Variants in TRMT10A observed in about 807,000 individuals in gnomAD.
TRMT10A encodes tRNA methyltransferase 10A.
In TRMT10A, 37 loss-of-function variants were observed where a neutral mutation model predicts 40.4. The ratio of observed to expected loss-of-function variants is 0.92; its 90% CI spans 0.71 to 1.21. TRMT10A has a LOEUF of 1.21. Among genes scored for constraint, TRMT10A ranks in the 50% most tolerant of loss-of-function variants. The probability of loss-of-function intolerance (pLI) is 0.00; values close to 1 mark genes in which losing one functional copy is unlikely to be tolerated. For missense variants in TRMT10A, 388 were observed against 404.3 expected, an observed-to-expected ratio of 0.96 and a Z score of 0.35; for synonymous variants, 103 against 134.1, an observed-to-expected ratio of 0.77 and a Z score of 1.60.
chr4:99,563,123 G>T (rs1724515986), intron 1 of TRMT10A, among the ~76,000 whole-genome samples: 1 of 152,194 alleles, frequency 6.6e-6, no homozygotes, highest in African/African-American at 2.4e-5. Flanking sequence ...GCCCGGCCAG[G>T]AATGCCCTTT....
intron 6 of TRMT10A, among the ~76,000 whole-genome samples, chr4:99,552,674 A>G (rs1474177086): frequency 2.6e-5 from 4 of 152,194 alleles, no homozygotes; most frequent in Non-Finnish European, 5.9e-5. Flanking sequence ...ACAAATGACA[A>G]AGACAAATTA....
intron 5 of TRMT10A, among the ~76,000 whole-genome samples, 170 bp downstream of exon 5, chr4:99,555,976 C>G (rs1724147069): frequency 6.6e-6 from 1 of 152,180 alleles, no homozygotes; most frequent in African/African-American, 2.4e-5. Context: ...TACCAGATGT[C>G]TCACTCCCTT....
chr4:99,557,809 G>A (rs144541952), intron 3 of TRMT10A: 296 of 456,720 alleles, frequency 6.5e-4, no homozygotes, highest in African/African-American at 5.7e-3. Flanking sequence ...ACTACAAAGT[G>A]TGTGTTTGTC....
At position 99,564,003 on chromosome 4, in the gene TRMT10A, C is replaced by G; in HGVS notation, c.-114G>C. The G allele has an allele frequency of 6.8e-7, 1 of 1,467,490 alleles. No homozygotes were observed. Among genetic ancestry groups the G allele is most frequent in the South Asian group, 1.2e-5 (1 of 82,280 alleles). 90.9% of individuals were successfully genotyped at this position (1,467,490 alleles called of 1,614,324 possible). A position where few individuals can be genotyped will look rare whatever the true frequency, so the allele number is the denominator to read the frequency against. On this transcript the variant is annotated 5_prime_UTR_variant, in exon 1 of 8. Coordinates refer to ENST00000394876, the MANE Select transcript of TRMT10A (RefSeq NM_001134665.3). The stretch of plus-strand genomic sequence containing the variant: ...CGGCTCACGCTTCCTTCCACAGAAA[C>G]TTCAATTCCCAGAGGCAGGGGCGGT...
At position 99,548,589 on chromosome 4, in the gene TRMT10A, TTACTACATTCTTTCAAGTAAC is replaced by T. The variant is rs1723829407; in HGVS notation, c.*478_*498del. ...ATCAAACTGATACTTCTTCCTAAAA[TTACTACATTCTTTCAAGTAAC>T]TAATTTAAACATAAAAGCTGCAAAT... is the stretch of plus-strand genomic sequence containing the variant. On this transcript the variant is annotated 3_prime_UTR_variant, in exon 8 of 8. Transcript: ENST00000394876. The T allele has an allele frequency of 6.6e-6, 1 of 152,390 alleles. No homozygotes were observed. Among genetic ancestry groups the T allele is most frequent in the Non-Finnish European group, 1.5e-5 (1 of 68,198 alleles). 9.4% of individuals were successfully genotyped at this position (152,390 alleles called of 1,614,324 possible).
Position 99,559,167 on chromosome 4 carries a change from G to T in TRMT10A, c.172C>A (p.Arg58=), listed in dbSNP as rs767807581. The part of the protein sequence containing the change: ...LIKQKQWEEQ[R]ELRKQKRKEK... ...TGAAACACATACTTGCGGAGTTCCC[G>T]TTGCTCTTCCCATTGTTTCTGTTTT... The change falls in exon 2 of 8, where the codon CGG becomes AGG. Residue 58 remains arginine (R), a synonymous_variant. Coordinates refer to ENST00000394876, the MANE Select transcript of TRMT10A (RefSeq NM_001134665.3). 28 of 1,611,844 alleles carry T rather than the reference G, an allele frequency of 1.7e-5. No homozygotes were observed. The Admixed American group carries it at 4.7e-4, about 27-fold the overall frequency.
At position 99,549,381 on chromosome 4, in the gene TRMT10A, A is replaced by G. The variant is rs190037032; in HGVS notation, c.752-25T>C. 1.7e-5 allele frequency: 27 copies of G among 1,608,472 alleles called. No individual in the cohort carries two copies. The Admixed American group carries it at 4.5e-4, about 27-fold the overall frequency. On this transcript the variant is annotated intron_variant, in intron 7 of 7. Transcript: ENST00000394876. The stretch of plus-strand genomic sequence containing the variant: ...ACTGCAATAAAGACATATTCCGTAC[A>G]TTTCTTAGCCAAGTTCATCACAATG...
At chr4:99,553,428 G>A (rs1724038792) in intron 6 of TRMT10A, among the ~76,000 whole-genome samples, 1 of 152,174 alleles carries the variant, frequency 6.6e-6, no homozygotes. Flanking sequence ...TTGATTAGCA[G>A]CAGAATCTTC....
At chr4:99,563,529 G>A (rs1040501186) in intron 1 of TRMT10A, 1 of 232,482 alleles carries the variant, frequency 4.3e-6, no homozygotes, top group Non-Finnish European at 8.8e-6. Context: ...TTAGAGTACA[G>A]ATTTCCCACT....
chr4:99,560,586 TA>T (rs1002099815), intron 1 of TRMT10A, among the ~76,000 whole-genome samples: 1 of 151,744 alleles, frequency 6.6e-6, no homozygotes, highest in African/African-American at 2.4e-5. Flanking sequence ...TTAATTTTTT[TA>T]AAAAAAATCT....
intron 1 of TRMT10A, chr4:99,563,709 G>C (rs887781188): frequency 5.3e-6 from 2 of 375,140 alleles, no homozygotes; most frequent in Non-Finnish European, 1.0e-5. Context: ...GGCGAACCAG[G>C]GAGCAGCTGG....
intron 1 of TRMT10A, among the ~76,000 whole-genome samples, chr4:99,560,324 C>T (rs1283094159): frequency 2.0e-5 from 3 of 151,940 alleles, no homozygotes; most frequent in African/African-American, 7.2e-5. Context: ...TGAAAAAGAA[C>T]AGAATCAGTG....
chr4:99,551,221 A>C (rs1723951929), intron 6 of TRMT10A, among the ~76,000 whole-genome samples: 1 of 152,220 alleles, frequency 6.6e-6, no homozygotes, highest in Non-Finnish European at 1.5e-5. Flanking sequence ...GTTACAAATG[A>C]GGAAACCAAA....
intron 6 of TRMT10A, among the ~76,000 whole-genome samples, chr4:99,552,751 A>C (rs1239433415): frequency 1.3e-5 from 2 of 152,180 alleles, no homozygotes; most frequent in Non-Finnish European, 2.9e-5. Context: ...CAATTAAAAA[A>C]ATGCAGAATA....
chr4:99,552,871 A>T (rs1232432134), intron 6 of TRMT10A, among the ~76,000 whole-genome samples: 1 of 151,708 alleles, frequency 6.6e-6, no homozygotes, highest in Admixed American at 6.6e-5. Context: ...TTGTCAACTG[A>T]TGGTTTGCAT....
chr4:99,562,581 A>G (rs1724474432), intron 1 of TRMT10A, among the ~76,000 whole-genome samples: 1 of 124,270 alleles, frequency 8.0e-6, no homozygotes, highest in South Asian at 2.5e-4. Flanking sequence ...GCTGGAGTGC[A>G]GTGGCGCAAT....
At chr4:99,552,893 G>C (rs976178855) in intron 6 of TRMT10A, among the ~76,000 whole-genome samples, 11 of 152,062 alleles carry the variant, frequency 7.2e-5, no homozygotes, top group East Asian at 3.9e-4. Flanking sequence ...CTTGGTGGGG[G>C]GGGGAGGCAG....
chr4:99,559,024 C>A (rs971026732), intron 2 of TRMT10A, 130 bp downstream of exon 2: 3 of 1,020,726 alleles, frequency 2.9e-6, no homozygotes, highest in East Asian at 5.0e-5. Flanking sequence ...TTTTTCTTTA[C>A]GCTTTTGTCT....
chr4:99,563,561 T>A (rs1724549461), intron 1 of TRMT10A: 3 of 241,938 alleles, frequency 1.2e-5, no homozygotes, highest in African/African-American at 6.9e-5. Context: ...AACTCACTTT[T>A]CACATACTAC....
Sources: gnomAD v4.1 joint callset for allele counts (sites outside exome capture counted in the v4.1 genomes callset) on GRCh38, gnomAD v4.1.1 for gene constraint, MANE v1.5 for transcripts, NCBI Gene and HGNC (gene_info 2026-07-23, HGNC 2026-07-21) for gene names.